ARPC2: variants seen among roughly 807,000 people sequenced by gnomAD.
The protein encoded by ARPC2 is actin-related protein 2/3 complex subunit 2.
A neutral mutation model predicts 38.6 loss-of-function variants in ARPC2; 4 were observed. The ratio of observed to expected loss-of-function variants is 0.10; its 90% confidence interval spans 0.05 to 0.24. The LOEUF (loss-of-function observed/expected upper bound fraction) is 0.24. Among genes scored for constraint, ARPC2 ranks in the 10% least tolerant of loss-of-function variants. ARPC2 has a pLI of 1.00. For synonymous variants in ARPC2, 125 were observed against 140.8 expected (o/e 0.89, Z 0.79); for missense variants, 229 against 387.3 (o/e 0.59, Z 3.43).
At chr2:218,227,346 T>G (rs911588272) in intron 3 of ARPC2, among the ~76,000 whole-genome samples, 3 of 152,206 alleles carry the variant, frequency 2.0e-5, no homozygotes, top group African/African-American at 4.8e-5. Flanking sequence ...GTGGATATTG[T>G]TTGCATCTTA....
chr2:218,228,432 A>T (rs1034216883), intron 3 of ARPC2, among the ~76,000 whole-genome samples: 2 of 152,102 alleles, frequency 1.3e-5, no homozygotes, highest in African/African-American at 4.8e-5. Flanking sequence ...AAGCCTCATG[A>T]TGGAGATGAG....
At chr2:218,230,244 T>A (rs1268775626) in intron 4 of ARPC2, among the ~76,000 whole-genome samples, 1 of 151,710 alleles carries the variant, frequency 6.6e-6, no homozygotes, top group African/African-American at 2.4e-5. Context: ...AGTGCTAAGA[T>A]TGCAGGTGTG....
At chr2:218,220,815 TC>T (rs1295278638) in intron 2 of ARPC2, among the ~76,000 whole-genome samples, 1 of 152,312 alleles carries the variant, frequency 6.6e-6, no homozygotes, top group East Asian at 1.9e-4. Context: ...TTTAATTTTT[TC>T]CTACACACTT....
intron 3 of ARPC2, chr2:218,227,125 C>T: frequency 2.4e-6 from 1 of 423,236 alleles, no homozygotes. Flanking sequence ...TACCCTCCTA[C>T]TAACTGGCAT....
chr2:218,240,704 A>G (rs1689892438), intron 7 of ARPC2, among the ~76,000 whole-genome samples: 1 of 150,192 alleles, frequency 6.7e-6, no homozygotes, highest in South Asian at 2.2e-4. Flanking sequence ...ATCCTGGCCA[A>G]CATGGTGAAA....
At chr2:218,249,594 C>G (rs998215264) in intron 9 of ARPC2, 130 bp downstream of exon 9, 9 of 803,718 alleles carry the variant, frequency 1.1e-5, no homozygotes, top group Non-Finnish European at 1.6e-5. Flanking sequence ...CTAGAGGCTT[C>G]AAGAAACCAT....
rs550512245 is a variant in ARPC2 at position 218,242,084 on chromosome 2, C to A, written c.549+2600C>A. On this transcript the variant is annotated intron_variant, in intron 7 of 10. Transcript: ENST00000315717. ...TTGTTGCCAGCCTTTGTGGCCTTTC[C>A]CTTCCAGCATGCACATCCAGCCTGA... 5.3e-4 allele frequency among the ~76,000 whole-genome samples: 80 copies of A among 152,294 alleles called. 1 individual carries two copies. In the South Asian group the frequency reaches 0.015, roughly 29 times the overall value.
At chr2:218,226,939 T>TG (rs1689512173) in intron 3 of ARPC2, 1 of 454,074 alleles carries the variant, frequency 2.2e-6, no homozygotes, top group South Asian at 1.6e-5. Flanking sequence ...CAGAGAGAGA[T>TG]GTTGCTGCTT....
intron 2 of ARPC2, among the ~76,000 whole-genome samples, chr2:218,223,811 G>C (rs978337185): frequency 6.6e-6 from 1 of 152,154 alleles, no homozygotes; most frequent in Non-Finnish European, 1.5e-5. Flanking sequence ...TAATTCTGGG[G>C]GCCTATTTAG....
chr2:218,249,443 C>G lies in ARPC2; in HGVS notation c.756C>G (p.His252Gln). 1 of 1,612,030 alleles carries G rather than the reference C, an allele frequency of 6.2e-7. No individual in the cohort carries two copies. The highest frequency in any genetic ancestry group is 8.5e-7 in the Non-Finnish European group (1 of 1,178,498). Residue 252 changes from histidine (H) to glutamine (Q), a missense_variant, in exon 9 of 11, where the codon CAC (histidine) becomes CAG (glutamine). Coordinates refer to ENST00000315717, the MANE Select transcript of ARPC2 (RefSeq NM_152862.3). ...TCCACACGTTCCGGGACTACCTGCA[C>G]TACCACATCAAGTGCTCTAAGGTGA... ...NLIHTFRDYL[H>Q]YHIKCSKAYI...
At chr2:218,219,202 G>A (rs746585669) in intron 2 of ARPC2, among the ~76,000 whole-genome samples, 2 of 152,156 alleles carry the variant, frequency 1.3e-5, no homozygotes, top group African/African-American at 4.8e-5. Context: ...ATCTATTTGT[G>A]TATTAATGAC....
chr2:218,217,868 A>G (rs745798648), intron 2 of ARPC2, among the ~76,000 whole-genome samples: 4 of 152,160 alleles, frequency 2.6e-5, no homozygotes, highest in Admixed American at 6.5e-5. Context: ...CTGGGGCGAG[A>G]AGGGGACCCC....
intron 4 of ARPC2, among the ~76,000 whole-genome samples, chr2:218,230,733 C>G (rs1689615721): frequency 6.6e-6 from 1 of 152,068 alleles, no homozygotes; most frequent in Non-Finnish European, 1.5e-5. Context: ...TGGCACACAC[C>G]TGTAGTGCCA....
intron 10 of ARPC2, among the ~76,000 whole-genome samples, chr2:218,252,412 G>C (rs1283950060): frequency 6.6e-6 from 1 of 152,176 alleles, no homozygotes; most frequent in African/African-American, 2.4e-5. Context: ...GAGAGGATGT[G>C]CTTGCTGCCT....
At chr2:218,248,080 A>T (rs903449851) in intron 8 of ARPC2, among the ~76,000 whole-genome samples, 1 of 151,900 alleles carries the variant, frequency 6.6e-6, no homozygotes, top group Non-Finnish European at 1.5e-5. Flanking sequence ...GCGCCCAGCC[A>T]GCTATACCAT....
At chr2:218,235,310 G>T in intron 5 of ARPC2, 1 of 156,660 alleles carries the variant, frequency 6.4e-6, no homozygotes, top group Non-Finnish European at 1.4e-5. Flanking sequence ...CCGGTAGCTG[G>T]GAACTACAGG....
At chr2:218,251,876 GAA>G (rs1336394010) in intron 10 of ARPC2, among the ~76,000 whole-genome samples, 2 of 152,178 alleles carry the variant, frequency 1.3e-5, no homozygotes, top group African/African-American at 2.4e-5. Context: ...GAAAGGATGA[GAA>G]AGAGATCAAG....
At chr2:218,238,529 C>A in intron 5 of ARPC2, 135 bp from the exon 6 acceptor site, 2 of 596,908 alleles carry the variant, frequency 3.4e-6, no homozygotes, top group Non-Finnish European at 5.6e-6. Context: ...TCAATAGAAC[C>A]TGAAAAAAGA....
In ARPC2 at chr2:218,254,115, A is replaced by C; in HGVS notation, c.*200A>C. The C allele has an allele frequency of 1.8e-6, 1 of 559,524 alleles. No individual in the cohort carries two copies. Among genetic ancestry groups the C allele is most frequent in the Non-Finnish European group, 3.0e-6 (1 of 331,690 alleles). The allele number at this position is 559,524 out of a possible 1,614,324, so 34.7% of individuals were successfully genotyped here. A position where few individuals can be genotyped will look rare whatever the true frequency, so the allele number is the denominator to read the frequency against. ...TTCATAGTTCCCAAGAATTAAAAAA[A>C]AAAAAAAAAGAATTCCACTTGATCA... is the stretch of plus-strand genomic sequence containing the variant. On this transcript the variant is annotated 3_prime_UTR_variant, in exon 11 of 11. Transcript: ENST00000315717.
Sources: gnomAD v4.1 joint callset for allele counts (sites outside exome capture counted in the v4.1 genomes callset) on GRCh38, gnomAD v4.1.1 for gene constraint, MANE v1.5 for transcripts, NCBI Gene and HGNC (gene_info 2026-07-23, HGNC 2026-07-21) for gene names.